Variants in PTTG1IP2 observed in about 807,000 individuals in gnomAD.
PTTG1IP2 encodes PTTG1IP family member 2.
intron 1 of PTTG1IP2, among the ~76,000 whole-genome samples, chr7:90,473,807 G>A (rs567438122): frequency 8.9e-4 from 136 of 152,272 alleles, no homozygotes; most frequent in African/African-American, 3.2e-3. Flanking sequence ...ACACTGCCTG[G>A]ACTCACCTCC....
intron 4 of PTTG1IP2, among the ~76,000 whole-genome samples, chr7:90,491,355 G>A (rs1178794927): frequency 6.6e-6 from 1 of 152,186 alleles, no homozygotes; most frequent in Non-Finnish European, 1.5e-5. Flanking sequence ...GGGTGTGCTG[G>A]CTCACGCCCG....
intron 4 of PTTG1IP2, among the ~76,000 whole-genome samples, chr7:90,489,245 T>G (rs952039756): frequency 6.6e-6 from 1 of 151,932 alleles, no homozygotes; most frequent in Non-Finnish European, 1.5e-5. Flanking sequence ...TCCATATATT[T>G]GATTTTGATG....
At chr7:90,496,846 A>G (rs745952852) in intron 6 of PTTG1IP2, among the ~76,000 whole-genome samples, 46 of 152,054 alleles carry the variant, frequency 3.0e-4, no homozygotes, top group Non-Finnish European at 5.7e-4. Context: ...TCCCTCTAAG[A>G]ATTACTTTTG....
At chr7:90,478,433 A>G (rs942622684) in intron 1 of PTTG1IP2, among the ~76,000 whole-genome samples, 1 of 152,324 alleles carries the variant, frequency 6.6e-6, no homozygotes, top group Admixed American at 6.5e-5. Context: ...GCTAGGAGGA[A>G]GTAACATTCA....
At chr7:90,499,904 CT>C (rs1365234920) in intron 6 of PTTG1IP2, among the ~76,000 whole-genome samples, 30 of 151,894 alleles carry the variant, frequency 2.0e-4, no homozygotes, top group Non-Finnish European at 4.4e-5. Context: ...AAAAATAAAA[CT>C]GTAAAACATT....
chr7:90,510,695 ATT>A (rs1798179080), intron 6 of PTTG1IP2, among the ~76,000 whole-genome samples: 3 of 152,244 alleles, frequency 2.0e-5, no homozygotes, highest in African/African-American at 7.2e-5. Flanking sequence ...AAGAACTTTT[ATT>A]ATAGAAATCC....
chr7:90,510,454 C>G (rs1030560005), intron 6 of PTTG1IP2, among the ~76,000 whole-genome samples: 2 of 152,126 alleles, frequency 1.3e-5, no homozygotes, highest in African/African-American at 4.8e-5. Context: ...AAGGGAGAAT[C>G]ATGTACACAC....
chr7:90,503,254 G>C (rs1276963913), intron 6 of PTTG1IP2, among the ~76,000 whole-genome samples: 1 of 152,184 alleles, frequency 6.6e-6, no homozygotes, highest in Non-Finnish European at 1.5e-5. Flanking sequence ...TTAGGGCCTT[G>C]TCTGTGTTAG....
At chr7:90,483,760 C>G (rs952958033) in intron 2 of PTTG1IP2, among the ~76,000 whole-genome samples, 1 of 152,100 alleles carries the variant, frequency 6.6e-6, no homozygotes, top group African/African-American at 2.4e-5. Flanking sequence ...TTATACAGGC[C>G]CTATTTCTTC....
intron 6 of PTTG1IP2, among the ~76,000 whole-genome samples, chr7:90,505,023 CA>C (rs1011002719): frequency 1.3e-5 from 2 of 152,142 alleles, no homozygotes; most frequent in African/African-American, 4.8e-5. Flanking sequence ...ATGCTAGCAG[CA>C]ACCCAAAAGG....
chr7:90,505,091 T>C (rs1004153445), intron 6 of PTTG1IP2, among the ~76,000 whole-genome samples: 11 of 152,246 alleles, frequency 7.2e-5, no homozygotes, highest in African/African-American at 2.7e-4. Flanking sequence ...CCAGTTAATC[T>C]GTGTGTTTTT....
chr7:90,510,188 T>C (rs1297214374), intron 6 of PTTG1IP2, among the ~76,000 whole-genome samples: 1 of 152,230 alleles, frequency 6.6e-6, no homozygotes, highest in Non-Finnish European at 1.5e-5. Context: ...TGTGCCTAAA[T>C]TGGCTTTCCC....
chr7:90,485,310 A>T (rs1477506086), intron 2 of PTTG1IP2, among the ~76,000 whole-genome samples: 1 of 152,162 alleles, frequency 6.6e-6, no homozygotes, highest in African/African-American at 2.4e-5. Context: ...AAATAATGCA[A>T]CTAAATCTCA....
intron 6 of PTTG1IP2, among the ~76,000 whole-genome samples, chr7:90,508,843 T>A (rs921871105): frequency 6.6e-6 from 1 of 152,214 alleles, no homozygotes; most frequent in Non-Finnish European, 1.5e-5. Flanking sequence ...GTGAATGGTA[T>A]GTGGACTATG....
At chr7:90,482,915 C>G (rs1797830171) in intron 2 of PTTG1IP2, among the ~76,000 whole-genome samples, 1 of 152,148 alleles carries the variant, frequency 6.6e-6, no homozygotes, top group Non-Finnish European at 1.5e-5. Flanking sequence ...CTCCTGCAGC[C>G]TACTTTATCT....
At chr7:90,484,175 T>C (rs1175956492) in intron 2 of PTTG1IP2, among the ~76,000 whole-genome samples, 1 of 151,974 alleles carries the variant, frequency 6.6e-6, no homozygotes, top group Non-Finnish European at 1.5e-5. Context: ...GGCTTTTTTT[T>C]TTCTTTTTTC....
chr7:90,511,952 A>C (rs939612255), intron 6 of PTTG1IP2, among the ~76,000 whole-genome samples: 1 of 152,232 alleles, frequency 6.6e-6, no homozygotes, highest in African/African-American at 2.4e-5. Flanking sequence ...ATACTTCTCT[A>C]TATGATACTT....
intron 6 of PTTG1IP2, among the ~76,000 whole-genome samples, chr7:90,511,836 A>G (rs538866810): frequency 6.6e-6 from 1 of 152,348 alleles, no homozygotes; most frequent in Non-Finnish European, 1.5e-5. Context: ...TCTGTAAAAT[A>G]GGGATTAAAA....
At chr7:90,493,354 A>G (rs1053691691) in intron 5 of PTTG1IP2, among the ~76,000 whole-genome samples, 3 of 152,238 alleles carry the variant, frequency 2.0e-5, no homozygotes, top group Non-Finnish European at 4.4e-5. Flanking sequence ...TGTTTGGGTG[A>G]TAATTGGATC....
Sources: allele counts gnomAD v4.1 joint callset (sites outside exome capture counted in the v4.1 genomes callset), GRCh38; gene constraint gnomAD v4.1.1; transcripts MANE v1.5; gene names NCBI Gene and HGNC (gene_info 2026-07-23, HGNC 2026-07-21).